Variants in ARHGAP9 observed in about 807,000 individuals in gnomAD.
ARHGAP9 encodes the protein Rho GTPase activating protein 9.
Under a neutral mutation model 87.3 loss-of-function variants are expected in ARHGAP9, and 76 were observed. The ratio of observed to expected loss-of-function variants is 0.87; its 90% CI spans 0.72 to 1.05. The LOEUF is 1.05. Among genes scored for constraint, ARHGAP9 ranks in the 50% least tolerant of loss-of-function variants. ARHGAP9 has a pLI of 0.00. For missense variants in ARHGAP9, 941 were observed against 960.5 expected (o/e 0.98, Z 0.27); for synonymous variants, 382 against 394.9 (o/e 0.97, Z 0.39).
chr12:57,480,894 G>C, upstream of ARHGAP9: 1 of 1,486,534 alleles, frequency 6.7e-7, no homozygotes, highest in Non-Finnish European at 9.2e-7. Context: ...GGTGATATCA[G>C]AGAGCCAGCT....
rs760534034 is a variant in ARHGAP9 at position 57,473,710 on chromosome 12, TAGAG to T, written c.1919-6_1919-3del. ...GGCACTGCTCTGATTCGGAGAGTGC[TAGAG>T]AGAGTGATGGGAAAGGCATGGTAGT... On this transcript the variant is annotated splice_region_variant and splice_polypyrimidine_tract_variant and intron_variant, in intron 16 of 17. Coordinates refer to ENST00000393791, the MANE Select transcript of ARHGAP9 (RefSeq NM_032496.4). The T allele has an allele frequency of 5.6e-6, 9 of 1,612,738 alleles. No homozygotes were observed. In the African/African-American group the frequency reaches 1.2e-4, roughly 22 times the overall value.
intron 1 of ARHGAP9, 133 bp from the exon 2 acceptor site, chr12:57,479,557 G>A (rs1874779704): frequency 6.6e-7 from 1 of 1,504,750 alleles, no homozygotes; most frequent in Non-Finnish European, 8.9e-7. Flanking sequence ...AGAGGGTAGA[G>A]CAAACAGCCT....
rs1594793354 is a variant in ARHGAP9 at position 57,479,400 on chromosome 12, A to G, written c.7T>C (p.Ser3Pro). MLSSRWWPSSWGI... is the reference protein window; with the variant it reads MLPSRWWPSSWGI... ...CAGGAACTTGGCCACCACCGGCTGG[A>G]TAGCATTGTAGCCAGCACTGTCACC... Residue 3 changes from serine (S) to proline (P), a missense_variant, in exon 2 of 18, where the codon TCC becomes CCC. Transcript: ENST00000393791. 2.5e-6 allele frequency: 4 copies of G among 1,612,916 alleles called. No individual in the cohort carries two copies. Among genetic ancestry groups the G allele is most frequent in the Non-Finnish European group, 3.4e-6 (4 of 1,179,678 alleles).
At chr12:57,480,764 T>A, upstream of ARHGAP9, 1 of 1,549,760 alleles carries the variant, frequency 6.5e-7, no homozygotes, top group Non-Finnish European at 8.7e-7. Context: ...CCCACACTTC[T>A]GCTTCTGCCT....
chr12:57,488,658 T>G, exon 1 of ARHGAP9: 1 of 1,550,114 alleles, frequency 6.5e-7, no homozygotes, highest in Non-Finnish European at 8.7e-7. Flanking sequence ...TAGGAGGTTC[T>G]CTTGTAAGTC....
At position 57,478,648 on chromosome 12, in the gene ARHGAP9, G is replaced by A. The variant is rs1281335850; in HGVS notation, c.426C>T (p.Ser142=). 13 of 1,614,018 alleles carry A rather than the reference G, an allele frequency of 8.1e-6. No individual in the cohort carries two copies. Among genetic ancestry groups the A allele is most frequent in the Admixed American group, 6.7e-5 (4 of 59,992 alleles). Residue 142 remains serine, a synonymous_variant, in exon 3 of 18, where the codon AGC becomes AGT. Transcript: ENST00000393791. ...PPPLPRKMCR[S]VSTDNLSPSL... The stretch of plus-strand genomic sequence containing the variant: ...TGGGGCTCAGATTGTCAGTGCTGAC[G>A]CTCCTACACATTTTGCGGGGAAGTG...
At chr12:57,487,837 A>C in intron 1 of ARHGAP9, 2 of 466,646 alleles carry the variant, frequency 4.3e-6, no homozygotes, top group South Asian at 5.0e-5. Flanking sequence ...TGACAGAGGG[A>C]GACGCCCTCT....
Position 57,473,628 on chromosome 12 carries a change from G to T in ARHGAP9, c.1999C>A (p.Arg667=). The change falls in exon 17 of 18, where the codon CGG becomes AGG. Residue 667 remains arginine (R), a synonymous_variant. Transcript: ENST00000393791. ...CTGCATAAATGCTCCAGGAGGTACC[G>T]TAGAGTGTCATGGTTGGGCTTTGGC... ...SMPKPNHDTL[R]YLLEHLCRVI... 1.2e-6 allele frequency: 2 copies of T among 1,613,664 alleles called. No individual in the cohort carries two copies. Among genetic ancestry groups the T allele is most frequent in the Non-Finnish European group, 8.5e-7 (1 of 1,179,648 alleles).
chr12:57,481,411 C>T (rs763565377), upstream of ARHGAP9, among the ~76,000 whole-genome samples: 1 of 152,058 alleles, frequency 6.6e-6, no homozygotes, highest in Non-Finnish European at 1.5e-5. Context: ...CCACTATGCC[C>T]GCTATTTTTT....
upstream of ARHGAP9, among the ~76,000 whole-genome samples, chr12:57,484,793 C>T (rs1321818213): frequency 2.0e-5 from 3 of 151,878 alleles, no homozygotes; most frequent in Non-Finnish European, 4.4e-5. Flanking sequence ...TACAGGCATG[C>T]GCCACCATGC....
At chr12:57,480,923 G>T, upstream of ARHGAP9, 1 of 1,317,618 alleles carries the variant, frequency 7.6e-7, no homozygotes, top group Non-Finnish European at 1.1e-6. Flanking sequence ...CTGAGGGCTG[G>T]GTGGCTAGTA....
chr12:57,472,859 A>T (rs1594755917), intron 17 of ARHGAP9, among the ~76,000 whole-genome samples, 171 bp from the exon 18 acceptor site: 1 of 152,196 alleles, frequency 6.6e-6, no homozygotes, highest in Non-Finnish European at 1.5e-5. Flanking sequence ...CAGTGGAGAA[A>T]CCTTCAGGAT....
At chr12:57,478,088 G>A in intron 3 of ARHGAP9, 4 of 574,764 alleles carry the variant, frequency 7.0e-6, no homozygotes, top group Non-Finnish European at 1.0e-5. Context: ...AGAAAGAGAG[G>A]GAAGGGCTGG....
At chr12:57,479,570 T>G in intron 1 of ARHGAP9, 146 bp from the exon 2 acceptor site, 1 of 1,514,282 alleles carries the variant, frequency 6.6e-7, no homozygotes, top group Non-Finnish European at 8.8e-7. Context: ...AACAGCCTGG[T>G]GAGGATCGGT....
At chr12:57,476,032 G>A in intron 9 of ARHGAP9, 39 bp downstream of exon 9, 2 of 1,507,580 alleles carry the variant, frequency 1.3e-6, no homozygotes, top group Non-Finnish European at 1.8e-6. Flanking sequence ...GCGCCCTCGG[G>A]TCGGGTGGGG....
chr12:57,475,277 C>A lies in ARHGAP9; in HGVS notation c.1552+14G>T. 1.9e-6 allele frequency: 3 copies of A among 1,572,142 alleles called. No individual in the cohort carries two copies. The highest frequency in any genetic ancestry group is 2.3e-5 in the East Asian group (1 of 43,518). Reference sequence around the variant, plus strand: ...GGAGTTTTCTTATCCATGAACCTGGCCCAGCCCCCTCACCTCGGAGCAGAC... The same window carrying A: ...GGAGTTTTCTTATCCATGAACCTGGACCAGCCCCCTCACCTCGGAGCAGAC... On this transcript the variant is annotated intron_variant, in intron 12 of 17. Transcript: ENST00000393791.
rs771119706 is a variant in ARHGAP9, at chr12:57,474,184, G to C, written c.1784-8C>G. The C allele has an allele frequency of 5.9e-5, 95 of 1,610,378 alleles. No homozygotes were observed. The highest frequency in any genetic ancestry group is 7.6e-5 in the Non-Finnish European group (89 of 1,177,532). On this transcript the variant is annotated splice_region_variant and splice_polypyrimidine_tract_variant and intron_variant, in intron 15 of 17. Coordinates refer to ENST00000393791, the MANE Select transcript of ARHGAP9 (RefSeq NM_032496.4). ...CCAAATCTAACCGACCTTCTGGAGGGAGAAGGAGGTATAGGGGCTCATGAA... is the reference window on the plus strand; with the variant it reads ...CCAAATCTAACCGACCTTCTGGAGGCAGAAGGAGGTATAGGGGCTCATGAA...
In ARHGAP9 at chr12:57,475,551, TC is replaced by T; in HGVS notation, c.1375del (p.Glu459ArgfsTer39). 1 of 1,608,746 alleles carries T rather than the reference TC, an allele frequency of 6.2e-7. No homozygotes were observed. Among genetic ancestry groups the T allele is most frequent in the Non-Finnish European group, 8.5e-7 (1 of 1,178,152 alleles). On this transcript the variant is annotated frameshift_variant, in exon 11 of 18. Transcript: ENST00000393791. LOFTEE classifies it high-confidence loss of function. ...GSGPAELSAG[E>X]DEEEESELVS... ...CAGCTCCGACTCCTCTTCTTCGTCC[TC>T]CCCGGCGCTCAGCTCCGCGGGTCCA...
chr12:57,487,781 A>C, intron 1 of ARHGAP9: 1 of 318,080 alleles, frequency 3.1e-6, no homozygotes, highest in South Asian at 4.5e-5. Flanking sequence ...CCCTGGAGGC[A>C]GAGGTTGCAG....
Sources: gnomAD v4.1 joint callset for allele counts (sites outside exome capture counted in the v4.1 genomes callset) on GRCh38, gnomAD v4.1.1 for gene constraint, MANE v1.5 for transcripts, NCBI Gene and HGNC (gene_info 2026-07-23, HGNC 2026-07-21) for gene names.